AATF: variants seen among roughly 807,000 people sequenced by gnomAD.
The protein encoded by AATF is protein AATF.
A neutral mutation model predicts 63.7 loss-of-function variants in AATF; 48 were observed. That is an observed-to-expected ratio of 0.75 (90% confidence interval 0.60 to 0.96). The LOEUF (loss-of-function observed/expected upper bound fraction) is 0.96, where lower values mean the gene tolerates loss of function less well. Ranked by LOEUF, AATF falls within the 40% of genes least tolerant of loss-of-function variation. The pLI, the probability that AATF is intolerant of heterozygous loss-of-function variation, is 0.00. For missense variants in AATF, 639 were observed against 685.7 expected, an observed-to-expected ratio of 0.93 and a Z score of 0.76; for synonymous variants, 258 against 247.7, an observed-to-expected ratio of 1.04 and a Z score of -0.39.
chr17:36,949,095 G>C lies in AATF; in HGVS notation c.-31G>C. The C allele has an allele frequency of 6.5e-7, 1 of 1,539,154 alleles. No individual in the cohort carries two copies. The highest frequency in any genetic ancestry group is 8.8e-7 in the Non-Finnish European group (1 of 1,134,922). On this transcript the variant is annotated 5_prime_UTR_variant, in exon 1 of 12. Transcript: ENST00000619387. ...GGGGTTGGGCCGCACATTTACGTGC[G>C]CGAAGCGGAGTGGACCGGGAGCTGG... is the stretch of plus-strand genomic sequence containing the variant.
At chr17:36,975,446 T>C (rs2071072730) in intron 4 of AATF, among the ~76,000 whole-genome samples, 2 of 152,232 alleles carry the variant, frequency 1.3e-5, no homozygotes, top group Admixed American at 1.3e-4. Flanking sequence ...TTCACTTTAC[T>C]TCGTTTATCC....
intron 10 of AATF, 190 bp downstream of exon 10, chr17:37,021,204 A>G: frequency 2.1e-6 from 1 of 486,200 alleles, no homozygotes; most frequent in South Asian, 3.8e-5. Flanking sequence ...AGTTTCATTG[A>G]CTTTTGTGCT....
At chr17:37,008,572 C>T (rs2071359116) in intron 8 of AATF, among the ~76,000 whole-genome samples, 1 of 152,106 alleles carries the variant, frequency 6.6e-6, no homozygotes, top group Non-Finnish European at 1.5e-5. Flanking sequence ...AATAGAAAAT[C>T]CTGTAACTAG....
At chr17:36,992,110 TGAA>T (rs767743389) in intron 8 of AATF, among the ~76,000 whole-genome samples, 13 of 152,212 alleles carry the variant, frequency 8.5e-5, no homozygotes, top group African/African-American at 2.4e-4. Flanking sequence ...TATATGGATA[TGAA>T]GAAGAACTTC....
chr17:36,988,253 T>G (rs1193038352), intron 5 of AATF, among the ~76,000 whole-genome samples: 1 of 152,044 alleles, frequency 6.6e-6, no homozygotes, highest in Non-Finnish European at 1.5e-5. Flanking sequence ...GAAGTGGAGG[T>G]TGCAGTGAGC....
intron 4 of AATF, among the ~76,000 whole-genome samples, chr17:36,986,052 A>C (rs939803510): frequency 1.3e-5 from 2 of 152,194 alleles, no homozygotes; most frequent in Admixed American, 1.3e-4. Flanking sequence ...GAACTTTTCC[A>C]TAAGGATATG....
chr17:36,976,415 C>G (rs1038696684), intron 4 of AATF, among the ~76,000 whole-genome samples: 6 of 152,092 alleles, frequency 3.9e-5, no homozygotes, highest in Non-Finnish European at 7.4e-5. Context: ...AACTATTAAT[C>G]TGAATAGTGA....
chr17:36,984,393 A>T (rs1168434091), intron 4 of AATF, among the ~76,000 whole-genome samples: 2 of 152,240 alleles, frequency 1.3e-5, no homozygotes, highest in South Asian at 4.1e-4. Flanking sequence ...AGGTTCAGAC[A>T]GGGAGAGGTA....
rs2070871913 is a variant in AATF at position 36,953,302 on chromosome 17, T to C, written c.694+6T>C. 1.9e-6 allele frequency: 3 copies of C among 1,604,432 alleles called. No homozygotes were observed. Among genetic ancestry groups the C allele is most frequent in the African/African-American group, 1.3e-5 (1 of 74,468 alleles). ...AGCCGTGAAGAACCAGATAGGTTTG[T>C]ACATGGTTTTGCTGATTGCCTGTTT... On this transcript the variant is annotated splice_donor_region_variant and intron_variant, in intron 3 of 11. Coordinates refer to ENST00000619387, the MANE Select transcript of AATF (RefSeq NM_012138.4).
At chr17:37,048,795 G>A (rs1216131751) in intron 11 of AATF, among the ~76,000 whole-genome samples, 1 of 152,190 alleles carries the variant, frequency 6.6e-6, no homozygotes, top group Non-Finnish European at 1.5e-5. Flanking sequence ...GGATCAGTAT[G>A]TTTCTCCTTT....
intron 10 of AATF, among the ~76,000 whole-genome samples, chr17:37,026,060 C>G (rs554090380): frequency 1.3e-5 from 2 of 152,158 alleles, no homozygotes; most frequent in Non-Finnish European, 2.9e-5. Context: ...AACATCATTT[C>G]TGTGGTATTC....
chr17:37,056,296 T>C lies in AATF; in HGVS notation c.1620-305T>C, dbSNP rs772816916. ...CCTCATCGGATGGCGGTCTCCTACATCCTATTAAAATATTCAATCTTGTTT... is the reference window on the plus strand; with the variant it reads ...CCTCATCGGATGGCGGTCTCCTACACCCTATTAAAATATTCAATCTTGTTT... On this transcript the variant is annotated intron_variant, in intron 11 of 11. Coordinates refer to ENST00000619387, the MANE Select transcript of AATF (RefSeq NM_012138.4). The C allele has an allele frequency of 3.7e-4, 127 of 344,334 alleles. 1 individual carries two copies. The highest frequency in any genetic ancestry group is 2.0e-3 in the Admixed American group (45 of 22,460). 21.3% of individuals were successfully genotyped at this position (344,334 alleles called of 1,614,324 possible).
intron 11 of AATF, chr17:37,055,479 G>T (rs2071790371): frequency 6.6e-6 from 1 of 152,204 alleles, no homozygotes; most frequent in South Asian, 2.1e-4. Flanking sequence ...GAAAGGTGGG[G>T]TTTTTTGGTT....
chr17:37,049,604 CAAA>C (rs773061471), intron 11 of AATF, among the ~76,000 whole-genome samples: 4 of 63,110 alleles, frequency 6.3e-5, no homozygotes, highest in Admixed American at 1.9e-4. Context: ...GACTCCGTCT[CAAA>C]AAAAAAAAAA....
chr17:36,967,520 T>C (rs1378337219), intron 4 of AATF, among the ~76,000 whole-genome samples: 2 of 152,224 alleles, frequency 1.3e-5, no homozygotes, highest in Non-Finnish European at 2.9e-5. Flanking sequence ...CTTTTCGACC[T>C]GCTGTCATCT....
intron 4 of AATF, chr17:36,980,445 T>C (rs1286377935): frequency 6.6e-6 from 1 of 152,234 alleles, no homozygotes; most frequent in Non-Finnish European, 1.5e-5. Flanking sequence ...TTTGTGGCCA[T>C]GTGCCAAGAG....
intron 4 of AATF, among the ~76,000 whole-genome samples, chr17:36,985,507 C>T (rs1326726982): frequency 6.8e-6 from 1 of 146,884 alleles, no homozygotes; most frequent in Non-Finnish European, 1.5e-5. Context: ...GGTCTTGAAA[C>T]TCCTGGACTC....
chr17:36,949,205 AC>A lies in AATF; in HGVS notation c.84del (p.Glu29ArgfsTer8). On this transcript the variant is annotated frameshift_variant, in exon 1 of 12. Coordinates refer to ENST00000619387, the MANE Select transcript of AATF (RefSeq NM_012138.4). LOFTEE classifies it high-confidence loss of function. Reference sequence around the variant, plus strand: ...CCAAGCGAGGCGGACCCTGAAGCGGACCCCGAGGAAGGTGAGGCCGGACTGG... The same window carrying A: ...CCAAGCGAGGCGGACCCTGAAGCGGACCCGAGGAAGGTGAGGCCGGACTGG... ...PRPSEADPEA[D>X]PEEATAARVI... is the part of the protein sequence containing the mutation. 1 of 1,591,398 alleles carries A rather than the reference AC, an allele frequency of 6.3e-7. No individual in the cohort carries two copies. Among genetic ancestry groups the A allele is most frequent in the Non-Finnish European group, 8.5e-7 (1 of 1,170,710 alleles).
intron 4 of AATF, among the ~76,000 whole-genome samples, chr17:36,968,270 C>CTTTTTTTTTTTTTTT (rs3049638): frequency 1.7e-4 from 4 of 23,792 alleles, no homozygotes; most frequent in Non-Finnish European, 2.3e-4. Context: ...TTCCTTCTTT[C>CTTTTTTTTTTTTTTT]TTTTTTTTTT....
Sources: gnomAD v4.1 joint callset for allele counts (sites outside exome capture counted in the v4.1 genomes callset) on GRCh38, gnomAD v4.1.1 for gene constraint, MANE v1.5 for transcripts, NCBI Gene and HGNC (gene_info 2026-07-23, HGNC 2026-07-21) for gene names.